The following DNAJC1 variants were observed in gnomAD, a reference collection of about 807,000 sequenced individuals.
DNAJC1 encodes dnaJ homolog subfamily C member 1.
Under a neutral mutation model 76.6 loss-of-function variants are expected in DNAJC1, and 58 were observed. That is an observed-to-expected ratio of 0.76 (90% CI 0.61 to 0.94). The LOEUF (loss-of-function observed/expected upper bound fraction) is 0.94. Among genes scored for constraint, DNAJC1 ranks in the 40% least tolerant of loss-of-function variants. The pLI, the probability that DNAJC1 is intolerant of heterozygous loss-of-function variation, is 0.00. For synonymous variants in DNAJC1, 258 were observed against 267.9 expected, an observed-to-expected ratio of 0.96 and a Z score of 0.36; for missense variants, 689 against 677.3, an observed-to-expected ratio of 1.02 and a Z score of -0.19.
chr10:21,774,486 C>A (rs549044500), intron 9 of DNAJC1, among the ~76,000 whole-genome samples: 1 of 152,094 alleles, frequency 6.6e-6, no homozygotes, highest in African/African-American at 2.4e-5. Context: ...ACATATTAAA[C>A]GTATTAATAT....
At chr10:21,838,415 T>C (rs1222786036) in intron 8 of DNAJC1, among the ~76,000 whole-genome samples, 3 of 152,144 alleles carry the variant, frequency 2.0e-5, no homozygotes, top group Non-Finnish European at 2.9e-5. Context: ...AAACAGATGC[T>C]TGAAGGCAGC....
At chr10:21,786,502 A>AGC (rs1834613483) in intron 9 of DNAJC1, among the ~76,000 whole-genome samples, 1 of 139,722 alleles carries the variant, frequency 7.2e-6, no homozygotes. Flanking sequence ...AGAGAGAGAG[A>AGC]TGGAGTCTCA....
chr10:21,822,333 GGA>G (rs1318407875), intron 8 of DNAJC1, among the ~76,000 whole-genome samples: 2 of 152,088 alleles, frequency 1.3e-5, no homozygotes, highest in Non-Finnish European at 2.9e-5. Flanking sequence ...CAGCTACACA[GGA>G]GGCTGAGGCA....
intron 8 of DNAJC1, among the ~76,000 whole-genome samples, chr10:21,827,261 T>C (rs935489142): frequency 1.3e-5 from 2 of 152,194 alleles, no homozygotes; most frequent in African/African-American, 4.8e-5. Flanking sequence ...CTTGGGGTTA[T>C]ATAATTTGTA....
At chr10:21,835,528 C>T (rs973577041) in intron 8 of DNAJC1, among the ~76,000 whole-genome samples, 11 of 152,194 alleles carry the variant, frequency 7.2e-5, no homozygotes, top group African/African-American at 1.2e-4. Flanking sequence ...CAAACTACTC[C>T]GAGCTAAAGG....
At chr10:21,862,910 ATTACCTGAGGTTGGGAG>A (rs1159331131) in intron 8 of DNAJC1, among the ~76,000 whole-genome samples, 3 of 152,058 alleles carry the variant, frequency 2.0e-5, no homozygotes, top group Non-Finnish European at 4.4e-5. Flanking sequence ...AGGTAGGCGG[ATTACCTGAGGTTGGGAG>A]TTCGAGACCA....
At chr10:21,958,542 C>G (rs1837733082) in intron 1 of DNAJC1, among the ~76,000 whole-genome samples, 1 of 152,052 alleles carries the variant, frequency 6.6e-6, no homozygotes, top group Admixed American at 6.5e-5. Context: ...ATTCTCCTTC[C>G]TCAGCCTTCT....
At chr10:21,838,323 C>T (rs1288731037) in intron 8 of DNAJC1, among the ~76,000 whole-genome samples, 1 of 152,004 alleles carries the variant, frequency 6.6e-6, no homozygotes, top group Non-Finnish European at 1.5e-5. Context: ...ATAACCTTAC[C>T]CCCAACCCCG....
intron 8 of DNAJC1, among the ~76,000 whole-genome samples, chr10:21,824,622 C>G (rs1254125692): frequency 6.6e-6 from 1 of 152,166 alleles, no homozygotes; most frequent in East Asian, 1.9e-4. Context: ...TATCTGTTTT[C>G]TACAGCCTGG....
At chr10:21,776,067 T>C (rs1241272528) in intron 9 of DNAJC1, among the ~76,000 whole-genome samples, 3 of 152,068 alleles carry the variant, frequency 2.0e-5, no homozygotes, top group African/African-American at 7.2e-5. Flanking sequence ...TTATGATAGG[T>C]AAGGGTAGAG....
intron 1 of DNAJC1, among the ~76,000 whole-genome samples, chr10:21,930,565 T>C (rs1251080620): frequency 6.6e-6 from 1 of 152,174 alleles, no homozygotes; most frequent in Admixed American, 6.5e-5. Context: ...AACCATTATT[T>C]TTATTATCAG....
chr10:21,765,652 C>T (rs898373011), intron 10 of DNAJC1, among the ~76,000 whole-genome samples: 14 of 152,114 alleles, frequency 9.2e-5, no homozygotes, highest in African/African-American at 2.9e-4. Flanking sequence ...CAAGACCAGC[C>T]TAGCCAAGAT....
Position 22,003,390 on chromosome 10 carries a change from G to A in DNAJC1, c.45C>T (p.Arg15=). ...GCGGGAACGGCACCAGCCCGAGCTG[G>A]CGGCGTCCAGGAAGCTGCGCCGGCT... The part of the protein sequence containing the change: ...CSQPAQLPGR[R]QLGLVPFPPP... Residue 15 remains arginine, a synonymous_variant, in exon 1 of 12, where the codon CGC becomes CGT. Transcript: ENST00000376980. 1.4e-6 allele frequency: 2 copies of A among 1,381,414 alleles called. No homozygotes were observed. The highest frequency in any genetic ancestry group is 1.9e-6 in the Non-Finnish European group (2 of 1,069,996). 85.6% of individuals were successfully genotyped at this position (1,381,414 alleles called of 1,614,324 possible). A position where few individuals can be genotyped will look rare whatever the true frequency, so the allele number is the denominator to read the frequency against.
intron 7 of DNAJC1, among the ~76,000 whole-genome samples, chr10:21,890,417 C>G (rs565427720): frequency 1.8e-4 from 26 of 145,640 alleles, no homozygotes; most frequent in East Asian, 5.9e-4. Context: ...CATATCCCCC[C>G]CTACAAAAAA....
At chr10:21,793,312 G>A (rs539467071) in intron 9 of DNAJC1, among the ~76,000 whole-genome samples, 35 of 152,170 alleles carry the variant, frequency 2.3e-4, no homozygotes, top group African/African-American at 5.1e-4. Context: ...CAGGGGTTGG[G>A]GGGCCGGGAA....
rs776295864 is a variant in DNAJC1, at chr10:21,919,921, T to C, written c.546A>G (p.Leu182=). 3.1e-6 allele frequency: 5 copies of C among 1,595,884 alleles called. No individual in the cohort carries two copies. The highest frequency in any genetic ancestry group is 1.4e-5 in the African/African-American group (1 of 74,008). ...SIYLEKQLDE[L]LSRKKREKKK... is the part of the protein sequence containing the mutation. ...TCTTTTCTCTCTTTTTTCTACTTAG[T>C]AGTTCATCCTTAATGTGGAAAGAAT... Residue 182 remains leucine (L), a synonymous_variant, in exon 5 of 12, where the codon CTA becomes CTG. Coordinates refer to ENST00000376980, the MANE Select transcript of DNAJC1 (RefSeq NM_022365.4).
intron 1 of DNAJC1, among the ~76,000 whole-genome samples, chr10:21,946,907 A>G (rs1473199007): frequency 6.6e-6 from 1 of 152,164 alleles, no homozygotes; most frequent in Non-Finnish European, 1.5e-5. Flanking sequence ...TGTTTAGGTC[A>G]TGAGGGCTCC....
intron 1 of DNAJC1, among the ~76,000 whole-genome samples, chr10:21,984,607 G>C (rs1838209611): frequency 6.6e-6 from 1 of 152,122 alleles, no homozygotes; most frequent in Non-Finnish European, 1.5e-5. Flanking sequence ...AATAACATAG[G>C]AGTTCTACTA....
intron 7 of DNAJC1, among the ~76,000 whole-genome samples, chr10:21,899,570 C>A (rs544900014): frequency 6.6e-6 from 1 of 152,340 alleles, no homozygotes; most frequent in Non-Finnish European, 1.5e-5. Flanking sequence ...GCACAGCTGC[C>A]TTGCCAAGAC....
Sources: allele counts gnomAD v4.1 joint callset (sites outside exome capture counted in the v4.1 genomes callset), GRCh38; gene constraint gnomAD v4.1.1; transcripts MANE v1.5; gene names NCBI Gene and HGNC (gene_info 2026-07-23, HGNC 2026-07-21).